DPP10: variants seen among roughly 807,000 people sequenced by gnomAD.
The protein encoded by DPP10 is inactive dipeptidyl peptidase 10.
In DPP10, 33 loss-of-function variants were observed where a neutral mutation model predicts 120.9. The observed-to-expected ratio is 0.27, with a 90% CI of 0.21 to 0.37. The LOEUF (loss-of-function observed/expected upper bound fraction) is 0.37, where lower values mean the gene tolerates loss of function less well. Among genes scored for constraint, DPP10 ranks in the 10% least tolerant of loss-of-function variants. The pLI, the probability that DPP10 is intolerant of heterozygous loss-of-function variation, is 1.00. For missense variants in DPP10, 816 were observed against 942.8 expected (o/e 0.87, Z 1.76); for synonymous variants, 337 against 326.1 (o/e 1.03, Z -0.36).
intron 1 of DPP10, among the ~76,000 whole-genome samples, chr2:114,635,791 T>A (rs965315152): frequency 1.3e-5 from 2 of 152,004 alleles, no homozygotes; most frequent in African/African-American, 2.4e-5. Context: ...GAAGACATTT[T>A]AAAAATATTT....
intron 1 of DPP10, among the ~76,000 whole-genome samples, chr2:114,923,833 C>T (rs1183054053): frequency 1.3e-5 from 2 of 152,058 alleles, no homozygotes; most frequent in South Asian, 2.1e-4. Context: ...TACAGTTTAC[C>T]TATGTTTTCA....
intron 1 of DPP10, among the ~76,000 whole-genome samples, chr2:114,463,874 C>A (rs1198732533): frequency 6.6e-6 from 1 of 152,096 alleles, no homozygotes; most frequent in Non-Finnish European, 1.5e-5. Context: ...TCCAGAATGT[C>A]GTGTGAATAA....
At position 115,842,467 on chromosome 2, in the gene DPP10, G is replaced by T; in HGVS notation, c.*122G>T. ...AGCTTACGGAGATGTCACTGGAGCA[G>T]CACGCTCAGAGACAGTGAACTAGCA... is the stretch of plus-strand genomic sequence containing the variant. On this transcript the variant is annotated 3_prime_UTR_variant, in exon 26 of 26. Transcript: ENST00000410059. The T allele has an allele frequency of 1.7e-6, 2 of 1,195,180 alleles. No individual in the cohort carries two copies. The highest frequency in any genetic ancestry group is 2.3e-6 in the Non-Finnish European group (2 of 871,556). 74.0% of individuals were successfully genotyped at this position (1,195,180 alleles called of 1,614,324 possible). A position where few individuals can be genotyped will look rare whatever the true frequency, so the allele number is the denominator to read the frequency against.
chr2:115,158,193 T>C (rs1410510153), intron 1 of DPP10, among the ~76,000 whole-genome samples: 1 of 152,352 alleles, frequency 6.6e-6, no homozygotes, highest in South Asian at 2.1e-4. Flanking sequence ...AGATGACCTA[T>C]GTATGTATAG....
chr2:115,313,528 A>G (rs2061667805), intron 2 of DPP10, among the ~76,000 whole-genome samples: 2 of 152,224 alleles, frequency 1.3e-5, no homozygotes, highest in Admixed American at 6.5e-5. Context: ...TTGGTTTTGA[A>G]GATGAAAGCA....
chr2:115,051,795 A>C (rs2105346888), intron 1 of DPP10, among the ~76,000 whole-genome samples: 1 of 150,948 alleles, frequency 6.6e-6, no homozygotes, highest in South Asian at 2.1e-4. Flanking sequence ...TGTATTGTAC[A>C]CCTGAAAATT....
intron 13 of DPP10, among the ~76,000 whole-genome samples, chr2:115,769,283 A>G (rs1024267379): frequency 6.6e-6 from 1 of 152,070 alleles, no homozygotes; most frequent in African/African-American, 2.4e-5. Flanking sequence ...TATAGAATAA[A>G]TATAAATATG....
At chr2:114,922,715 A>G (rs1695287999) in intron 1 of DPP10, among the ~76,000 whole-genome samples, 1 of 152,190 alleles carries the variant, frequency 6.6e-6, no homozygotes. Context: ...TGTACCGTGA[A>G]TCAACAATTT....
intron 5 of DPP10, among the ~76,000 whole-genome samples, chr2:115,676,094 A>G (rs568004931): frequency 6.6e-6 from 1 of 152,294 alleles, no homozygotes; most frequent in African/African-American, 2.4e-5. Context: ...CACCAGTTCA[A>G]GGCATAACAC....
chr2:114,967,384 G>T (rs1055396112), intron 1 of DPP10, among the ~76,000 whole-genome samples: 1 of 152,122 alleles, frequency 6.6e-6, no homozygotes, highest in Admixed American at 6.5e-5. Flanking sequence ...TGGATTTTTG[G>T]GTGAATGTGG....
intron 1 of DPP10, among the ~76,000 whole-genome samples, chr2:114,790,061 A>G (rs1237276479): frequency 1.3e-5 from 2 of 152,252 alleles, no homozygotes; most frequent in African/African-American, 4.8e-5. Flanking sequence ...GAAACAGTAC[A>G]TATTAGAGAA....
chr2:115,674,934 T>C (rs2090152183), intron 5 of DPP10, among the ~76,000 whole-genome samples: 1 of 152,204 alleles, frequency 6.6e-6, no homozygotes, highest in African/African-American at 2.4e-5. Flanking sequence ...ATCATCACCT[T>C]AGTATTCAGG....
chr2:115,634,407 C>CGTTATT (rs1453073593), intron 5 of DPP10, among the ~76,000 whole-genome samples: 17 of 152,090 alleles, frequency 1.1e-4, no homozygotes, highest in African/African-American at 3.9e-4. Flanking sequence ...TTTTTGTTGA[C>CGTTATT]GTTATTGTTA....
intron 1 of DPP10, among the ~76,000 whole-genome samples, chr2:115,052,326 AC>A (rs1258076385): frequency 1.3e-5 from 2 of 152,186 alleles, no homozygotes; most frequent in African/African-American, 4.8e-5. Flanking sequence ...AAAATGGTAA[AC>A]TAAATTTAAT....
intron 1 of DPP10, among the ~76,000 whole-genome samples, chr2:114,862,110 C>T (rs760522410): frequency 2.0e-5 from 3 of 152,076 alleles, no homozygotes; most frequent in Non-Finnish European, 4.4e-5. Context: ...AATTTTATTA[C>T]CCATTTCAAA....
At chr2:115,690,137 AAT>A (rs1232508240) in intron 7 of DPP10, among the ~76,000 whole-genome samples, 1 of 152,210 alleles carries the variant, frequency 6.6e-6, no homozygotes, top group Non-Finnish European at 1.5e-5. Context: ...TTTATTAAGT[AAT>A]ATATGATTAA....
intron 1 of DPP10, among the ~76,000 whole-genome samples, chr2:114,458,220 C>T (rs971108431): frequency 2.0e-5 from 3 of 152,148 alleles, no homozygotes; most frequent in Non-Finnish European, 4.4e-5. Context: ...AATAGTACCC[C>T]GTTCTTGAGA....
intron 5 of DPP10, among the ~76,000 whole-genome samples, chr2:115,656,473 C>T (rs2088357235): frequency 6.6e-6 from 1 of 151,562 alleles, no homozygotes; most frequent in South Asian, 2.1e-4. Context: ...ACAAACCTCT[C>T]TTCCCCCTTT....
chr2:115,546,784 T>C (rs2079527145), intron 5 of DPP10, among the ~76,000 whole-genome samples: 2 of 152,110 alleles, frequency 1.3e-5, no homozygotes, highest in Admixed American at 1.3e-4. Flanking sequence ...AGTTGGATGA[T>C]ATGGTGGACA....
Sources: allele counts gnomAD v4.1 joint callset (sites outside exome capture counted in the v4.1 genomes callset), GRCh38; gene constraint gnomAD v4.1.1; transcripts MANE v1.5; gene names NCBI Gene and HGNC (gene_info 2026-07-23, HGNC 2026-07-21).